TENM2: variants seen among roughly 807,000 people sequenced by gnomAD.
The protein encoded by TENM2 is teneurin-2.
Under a neutral mutation model 245.2 loss-of-function variants are expected in TENM2, and 52 were observed. The ratio of observed to expected loss-of-function variants is 0.21; its 90% CI spans 0.17 to 0.27. TENM2 has a LOEUF of 0.27. TENM2 is among the 10% of genes least tolerant of loss of function. TENM2 has a pLI of 1.00. For missense variants in TENM2, 3,046 were observed against 3,666.8 expected (o/e 0.83, Z 4.37); for synonymous variants, 1,363 against 1,438.9 (o/e 0.95, Z 1.19).
intron 2 of TENM2, among the ~76,000 whole-genome samples, chr5:167,570,723 A>G (rs1159913406): frequency 1.3e-5 from 2 of 152,192 alleles, no homozygotes. Flanking sequence ...GAAGAGCTGC[A>G]TTGAAGAATT....
intron 2 of TENM2, among the ~76,000 whole-genome samples, chr5:167,655,473 G>C (rs1463631013): frequency 1.3e-5 from 2 of 152,158 alleles, no homozygotes; most frequent in African/African-American, 4.8e-5. Context: ...ACAAACAACA[G>C]ATGTCCATTA....
chr5:167,790,459 A>C (rs932565051), intron 2 of TENM2, among the ~76,000 whole-genome samples: 7 of 152,190 alleles, frequency 4.6e-5, no homozygotes, highest in African/African-American at 1.7e-4. Flanking sequence ...TGCCTTCTCC[A>C]ACTGCCAGAA....
intron 1 of TENM2, among the ~76,000 whole-genome samples, chr5:167,300,201 C>G (rs932752242): frequency 6.6e-6 from 1 of 152,032 alleles, no homozygotes; most frequent in East Asian, 1.9e-4. Flanking sequence ...AGGGAGAGCA[C>G]GTGTGTTTTT....
intron 4 of TENM2, 61 bp from the exon 7 acceptor site, chr5:167,992,883 T>C: frequency 7.5e-7 from 1 of 1,332,780 alleles, no homozygotes; most frequent in Non-Finnish European, 1.1e-6. Flanking sequence ...GGAAGAAAAA[T>C]AGCTAAATGT....
chr5:168,104,547 A>G (rs2152296105), intron 9 of TENM2, among the ~76,000 whole-genome samples: 1 of 152,200 alleles, frequency 6.6e-6, no homozygotes, highest in South Asian at 2.1e-4. Context: ...CATCCAAGCG[A>G]CCGGGTATGT....
the TENM2 span, among the ~76,000 whole-genome samples, chr5:167,161,790 G>T: frequency 6.6e-6 from 1 of 152,138 alleles, no homozygotes; most frequent in South Asian, 2.1e-4. Flanking sequence ...CAAGAGCTGG[G>T]TGGATGAGCC....
At chr5:167,172,849 T>G in the TENM2 span, among the ~76,000 whole-genome samples, 2 of 152,092 alleles carry the variant, frequency 1.3e-5, no homozygotes, top group South Asian at 2.1e-4. Context: ...TGAGCTTTCA[T>G]TTTTTAAACG....
At chr5:167,908,562 C>G (rs1223158890) in intron 3 of TENM2, among the ~76,000 whole-genome samples, 3 of 41,908 alleles carry the variant, frequency 7.2e-5, no homozygotes, top group African/African-American at 2.9e-4. Context: ...CTCTTCTCCT[C>G]TCTCCTCCCC....
intron 5 of TENM2, among the ~76,000 whole-genome samples, chr5:168,038,921 G>T (rs1787939028): frequency 6.6e-6 from 1 of 152,134 alleles, no homozygotes; most frequent in African/African-American, 2.4e-5. Context: ...CCAGAGTTCA[G>T]ATCAGAGGGC....
the TENM2 span, among the ~76,000 whole-genome samples, chr5:167,006,027 T>C: frequency 1.3e-5 from 2 of 152,042 alleles, no homozygotes; most frequent in East Asian, 3.9e-4. Context: ...AGGTAGGACA[T>C]GGTAGGAGAG....
chr5:168,206,817 A>G (rs1256275200), intron 19 of TENM2, among the ~76,000 whole-genome samples: 1 of 152,104 alleles, frequency 6.6e-6, no homozygotes, highest in African/African-American at 2.4e-5. Context: ...GCCTATAGGA[A>G]AAAAGGGTGG....
intron 5 of TENM2, among the ~76,000 whole-genome samples, chr5:168,033,855 C>T (rs889063970): frequency 7.3e-5 from 11 of 151,616 alleles, no homozygotes; most frequent in Admixed American, 2.6e-4. Context: ...GGTGAAACCC[C>T]GTCTCTACTA....
intron 3 of TENM2, among the ~76,000 whole-genome samples, chr5:167,907,748 A>C (rs2151556443): frequency 6.6e-6 from 1 of 151,164 alleles, no homozygotes; most frequent in South Asian, 2.1e-4. Flanking sequence ...ACAATAAATA[A>C]ATTATAAAAT....
chr5:168,093,400 A>G (rs1793104873), intron 8 of TENM2, among the ~76,000 whole-genome samples: 1 of 152,202 alleles, frequency 6.6e-6, no homozygotes, highest in Non-Finnish European at 1.5e-5. Flanking sequence ...AATGATAGTA[A>G]TTGGCCTGAA....
intron 2 of TENM2, among the ~76,000 whole-genome samples, chr5:167,486,711 A>G (rs1768096985): frequency 6.6e-6 from 1 of 152,172 alleles, no homozygotes; most frequent in African/African-American, 2.4e-5. Flanking sequence ...GAAATAATGC[A>G]ATGTAATGAT....
At position 167,546,890 on chromosome 5, in the gene TENM2, A is replaced by G. The variant is rs539308688; in HGVS notation, c.502+171417A>G. Among the ~76,000 whole-genome samples, 7 of 152,196 alleles carry G rather than the reference A, an allele frequency of 4.6e-5. No homozygotes were observed. In the South Asian group the frequency reaches 8.3e-4, roughly 18 times the overall value. Reference sequence around the variant, plus strand: ...CCCTTTCCCCATAATTGACACCTCAATCATTATGCTGGCCTCCTCTCCTGG... The same window carrying G: ...CCCTTTCCCCATAATTGACACCTCAGTCATTATGCTGGCCTCCTCTCCTGG... On this transcript the variant is annotated intron_variant, in intron 2 of 28. Transcript: ENST00000518659.
the TENM2 span, among the ~76,000 whole-genome samples, chr5:167,278,729 A>C: frequency 6.6e-6 from 1 of 152,270 alleles, no homozygotes; most frequent in African/African-American, 2.4e-5. Context: ...CCCTATTTAT[A>C]ATATAACTTA....
At chr5:167,010,906 TCAGTA>T in the TENM2 span, among the ~76,000 whole-genome samples, 2 of 152,176 alleles carry the variant, frequency 1.3e-5, no homozygotes, top group East Asian at 1.9e-4. Context: ...GGTGGTTTGC[TCAGTA>T]CTTTATAAAT....
intron 4 of TENM2, among the ~76,000 whole-genome samples, chr5:167,958,984 C>A (rs1463045434): frequency 1.3e-5 from 2 of 151,998 alleles, no homozygotes; most frequent in African/African-American, 4.8e-5. Flanking sequence ...CAAGGAGTAT[C>A]TTTTTGGTGT....
Sources: gnomAD v4.1 joint callset for allele counts (sites outside exome capture counted in the v4.1 genomes callset) on GRCh38, gnomAD v4.1.1 for gene constraint, MANE v1.5 for transcripts, NCBI Gene and HGNC (gene_info 2026-07-23, HGNC 2026-07-21) for gene names.